The following TSPEAR variants were observed in gnomAD, a reference collection of about 807,000 sequenced individuals.
The protein encoded by TSPEAR is thrombospondin-type laminin G domain and EAR repeat-containing protein.
TSPEAR carries 69 observed loss-of-function variants against 71.6 expected under a neutral mutation model. The observed-to-expected ratio is 0.96, with a 90% CI of 0.79 to 1.18. The LOEUF is 1.18. TSPEAR is among the 50% of genes most tolerant of loss of function. The pLI is 0.00. For missense variants in TSPEAR, 971 were observed against 894.9 expected (o/e 1.09, Z -1.09); for synonymous variants, 402 against 387.2 (o/e 1.04, Z -0.45).
intron 1 of TSPEAR, among the ~76,000 whole-genome samples, chr21:44,671,420 T>G (rs587721859): frequency 7.7e-4 from 117 of 152,254 alleles, no homozygotes; most frequent in African/African-American, 2.5e-3. Context: ...GTAACACCAG[T>G]GCCAGCATAT....
At chr21:44,588,975 C>G (rs1601451781) in intron 1 of TSPEAR, among the ~76,000 whole-genome samples, 1 of 151,754 alleles carries the variant, frequency 6.6e-6, no homozygotes, top group Non-Finnish European at 1.5e-5. Context: ...ATAAGAATGA[C>G]ACAATGGACT....
chr21:44,591,867 GGGTGTGCAGGA>G, intron 1 of TSPEAR: 1 of 1,587,620 alleles, frequency 6.3e-7, no homozygotes, highest in Non-Finnish European at 8.5e-7. Flanking sequence ...GGCAGCATGA[GGGTGTGCAGGA>G]GCTGGTGCAG....
intron 4 of TSPEAR, 144 bp downstream of exon 4, chr21:44,530,899 T>G: frequency 2.8e-6 from 2 of 717,304 alleles, no homozygotes; most frequent in Non-Finnish European, 4.9e-6. Context: ...GTGAAGGCCC[T>G]GTGGTAGAGA....
At chr21:44,522,326 T>TA (rs1240437260) in intron 8 of TSPEAR, among the ~76,000 whole-genome samples, 5 of 152,156 alleles carry the variant, frequency 3.3e-5, no homozygotes, top group Non-Finnish European at 5.9e-5. Flanking sequence ...GCTATTCCCA[T>TA]ATGGAAATGC....
intron 8 of TSPEAR, among the ~76,000 whole-genome samples, chr21:44,524,479 TC>T (rs2052805696): frequency 6.6e-6 from 1 of 151,648 alleles, no homozygotes; most frequent in Admixed American, 6.6e-5. Context: ...AGGTAGTCAG[TC>T]AGTCAGGTAG....
chr21:44,675,122 A>G (rs782731513), intron 1 of TSPEAR, among the ~76,000 whole-genome samples: 2 of 152,308 alleles, frequency 1.3e-5, no homozygotes, highest in African/African-American at 4.8e-5. Flanking sequence ...AATACAGTAA[A>G]AAAAGAAAAG....
intron 8 of TSPEAR, among the ~76,000 whole-genome samples, chr21:44,522,853 C>T (rs587634154): frequency 2.6e-5 from 4 of 152,394 alleles, no homozygotes; most frequent in Admixed American, 6.5e-5. Context: ...GGCACCAGGC[C>T]AGCATCCCTG....
intron 9 of TSPEAR, chr21:44,518,886 A>G (rs2052670130): frequency 3.0e-6 from 1 of 338,232 alleles, no homozygotes; most frequent in Non-Finnish European, 6.0e-6. Context: ...GGGCACCAGT[A>G]TGATCCTGAT....
At chr21:44,613,168 C>G (rs1406974814) in intron 1 of TSPEAR, among the ~76,000 whole-genome samples, 2 of 152,206 alleles carry the variant, frequency 1.3e-5, no homozygotes, top group African/African-American at 2.4e-5. Context: ...TCAGCACCTC[C>G]TCCTACTCCC....
At chr21:44,533,574 C>T (rs1261818184) in intron 3 of TSPEAR, 111 bp downstream of exon 3, 17 of 933,318 alleles carry the variant, frequency 1.8e-5, no homozygotes, top group Middle Eastern at 6.6e-4. Context: ...CTGGTCAGCT[C>T]CTGCCCCAGG....
At chr21:44,632,671 T>C (rs1322735381) in intron 1 of TSPEAR, among the ~76,000 whole-genome samples, 1 of 151,944 alleles carries the variant, frequency 6.6e-6, no homozygotes, top group Non-Finnish European at 1.5e-5. Context: ...CCATCTCTGC[T>C]AAAAATACAC....
In TSPEAR at chr21:44,525,019, ATAGT is replaced by A. The variant is rs587747827; in HGVS notation, c.1336+630_1336+633del. On this transcript the variant is annotated intron_variant, in intron 8 of 11. Coordinates refer to ENST00000323084, the MANE Select transcript of TSPEAR (RefSeq NM_144991.3). ...GGCAGTCAGCCAGCCAGCCAGTCAG[ATAGT>A]TAGTCATTCAGGTGGTCAGTCAGTC... is the stretch of plus-strand genomic sequence containing the variant. 2.1e-4 allele frequency among the ~76,000 whole-genome samples: 32 copies of A among 150,016 alleles called. 1 individual carries two copies. Among genetic ancestry groups the A allele is most frequent in the African/African-American group, 5.4e-4 (22 of 40,710 alleles).
intron 9 of TSPEAR, chr21:44,516,422 C>T (rs1204945603): frequency 6.6e-6 from 1 of 152,466 alleles, no homozygotes; most frequent in African/African-American, 2.4e-5. Flanking sequence ...TCCTCTGATT[C>T]CTGGTGGGCG....
intron 1 of TSPEAR, among the ~76,000 whole-genome samples, chr21:44,620,091 C>T (rs782503956): frequency 5.3e-5 from 8 of 152,268 alleles, no homozygotes; most frequent in Non-Finnish European, 5.9e-5. Context: ...AGCAGTGGGA[C>T]GGAAGACTAA....
At chr21:44,500,984 C>T (rs587700557) in intron 11 of TSPEAR, among the ~76,000 whole-genome samples, 35 of 152,288 alleles carry the variant, frequency 2.3e-4, no homozygotes, top group African/African-American at 8.4e-4. Context: ...TATACAACTG[C>T]CTTCAGCTTT....
rs201682981 is a variant in TSPEAR at position 44,666,752 on chromosome 21, A to G, written c.82+44681T>C. 229 of 1,613,998 alleles carry G rather than the reference A, an allele frequency of 1.4e-4. No individual in the cohort carries two copies. The Middle Eastern group carries it at 1.5e-3, about 10-fold the overall frequency. ...CGGCTGGCTTGAAGCTCACGGGCAC[A>G]CACACGGAGGACTGGCAGCCCACAG... On this transcript the variant is annotated intron_variant, in intron 1 of 11. Coordinates refer to ENST00000323084, the MANE Select transcript of TSPEAR (RefSeq NM_144991.3).
intron 1 of TSPEAR, chr21:44,628,007 C>T (rs1420837019): frequency 3.1e-6 from 5 of 1,611,054 alleles, no homozygotes; most frequent in South Asian, 1.1e-5. Context: ...TGCTCCCGCC[C>T]GGCCTGCTAC....
rs1003520790 is a variant in TSPEAR, at chr21:44,506,141, T to C, written c.1755-1260A>G. ...TTCTCCTAGAAGCAGAAGCTGTTTC[T>C]TGTTGCAAACAAATTTGCTGTGTCC... is the stretch of plus-strand genomic sequence containing the variant. On this transcript the variant is annotated intron_variant, in intron 10 of 11. Transcript: ENST00000323084. This position sits in a 1 kb window ranked among gnomAD's most constrained non-coding sequence, Gnocchi z 4.2. Among the ~76,000 whole-genome samples the C allele has an allele frequency of 2.0e-5, 3 of 152,218 alleles. No homozygotes were observed. Among genetic ancestry groups the C allele is most frequent in the Non-Finnish European group, 4.4e-5 (3 of 68,004 alleles).
rs587700822 is a variant in TSPEAR at position 44,614,918 on chromosome 21, C to T, written c.83-46913G>A. 5.9e-5 allele frequency among the ~76,000 whole-genome samples: 9 copies of T among 152,318 alleles called. No homozygotes were observed. The South Asian group carries it at 1.7e-3, about 28-fold the overall frequency. On this transcript the variant is annotated intron_variant, in intron 1 of 11. Transcript: ENST00000323084. Reference sequence around the variant, plus strand: ...GCCCAAATGGCCTTGGAACATGAGACATCGGCACCCCTGGAAGGCAGGCAC... The same window carrying T: ...GCCCAAATGGCCTTGGAACATGAGATATCGGCACCCCTGGAAGGCAGGCAC...
Sources: gnomAD v4.1 joint callset for allele counts (sites outside exome capture counted in the v4.1 genomes callset) on GRCh38, gnomAD v4.1.1 for gene constraint, Gnocchi (gnomAD v3.1) non-coding constraint, MANE v1.5 for transcripts, NCBI Gene and HGNC (gene_info 2026-07-23, HGNC 2026-07-21) for gene names.